Variants in ARMC1 observed in about 807,000 individuals in gnomAD.
ARMC1 encodes the protein armadillo repeat-containing protein 1.
ARMC1 carries 16 observed loss-of-function variants against 31.4 expected under a neutral mutation model. That is an observed-to-expected ratio of 0.51 (90% confidence interval 0.34 to 0.77). The LOEUF is 0.77. ARMC1 is among the 30% of genes least tolerant of loss of function. ARMC1 has a pLI of 0.01. For synonymous variants in ARMC1, 114 were observed against 118.9 expected, an observed-to-expected ratio of 0.96 and a Z score of 0.27; for missense variants, 259 against 347.5, an observed-to-expected ratio of 0.75 and a Z score of 2.02.
chr8:65,615,605 G>A (rs1378599553), intron 3 of ARMC1, among the ~76,000 whole-genome samples: 1 of 152,166 alleles, frequency 6.6e-6, no homozygotes, highest in Non-Finnish European at 1.5e-5. Context: ...TACTCAGGGG[G>A]CTGAGGCAGG....
intron 1 of ARMC1, among the ~76,000 whole-genome samples, chr8:65,631,683 T>A (rs975623247): frequency 6.6e-6 from 1 of 152,212 alleles, no homozygotes; most frequent in Non-Finnish European, 1.5e-5. Flanking sequence ...TAGATACATA[T>A]TATGTTTCTG....
At chr8:65,624,307 T>C (rs1808466063) in intron 2 of ARMC1, among the ~76,000 whole-genome samples, 2 of 151,152 alleles carry the variant, frequency 1.3e-5, no homozygotes, top group African/African-American at 2.4e-5. Context: ...AAGACCAGCC[T>C]GGCCAACATG....
Sources: allele counts gnomAD v4.1 joint callset (sites outside exome capture counted in the v4.1 genomes callset), GRCh38; gene constraint gnomAD v4.1.1; transcripts MANE v1.5; gene names NCBI Gene and HGNC (gene_info 2026-07-23, HGNC 2026-07-21).